PCDH9: variants seen among roughly 807,000 people sequenced by gnomAD.
The protein encoded by PCDH9 is protocadherin-9.
A neutral mutation model predicts 70.6 loss-of-function variants in PCDH9; 24 were observed. That is an observed-to-expected ratio of 0.34 (90% confidence interval 0.25 to 0.48). The LOEUF (loss-of-function observed/expected upper bound fraction) is 0.48. PCDH9 is among the 20% of genes least tolerant of loss of function. The pLI, the probability that PCDH9 is intolerant of heterozygous loss-of-function variation, is 0.99. For missense variants in PCDH9, 1,281 were observed against 1,503.6 expected (o/e 0.85, Z 2.45); for synonymous variants, 562 against 558.5 (o/e 1.01, Z -0.09).
rs116136297 is a variant in PCDH9, at chr13:66,905,394, A to G, written c.3037-1789T>C. Among the ~76,000 whole-genome samples the G allele has an allele frequency of 6.4e-3, 979 of 152,274 alleles. 10 individuals carry two copies. The highest frequency in any genetic ancestry group is 0.023 in the African/African-American group (938 of 41,562). ...CAGCAGTGAGTCTCACCCTGACTGTATATTAGAATCACCTGGGGAGATTTT... is the reference window on the plus strand; with the variant it reads ...CAGCAGTGAGTCTCACCCTGACTGTGTATTAGAATCACCTGGGGAGATTTT... On this transcript the variant is annotated intron_variant, in intron 2 of 4. Transcript: ENST00000377865.
intron 3 of PCDH9, among the ~76,000 whole-genome samples, chr13:66,767,048 TCTC>T (rs1350089131): frequency 2.0e-5 from 3 of 152,124 alleles, no homozygotes; most frequent in South Asian, 2.1e-4. Context: ...ATGTTTAAAA[TCTC>T]CTTACATTAA....
At chr13:67,064,055 T>G (rs190201418) in intron 2 of PCDH9, among the ~76,000 whole-genome samples, 18 of 152,262 alleles carry the variant, frequency 1.2e-4, no homozygotes, top group South Asian at 4.1e-4. Flanking sequence ...CTGGCCTCAT[T>G]GTTAACCTCA....
intron 4 of PCDH9, among the ~76,000 whole-genome samples, chr13:66,350,808 T>C (rs754261349): frequency 1.3e-5 from 2 of 152,184 alleles, no homozygotes; most frequent in Non-Finnish European, 2.9e-5. Flanking sequence ...ATTTTCTACA[T>C]CTATGTCTCA....
chr13:67,106,668 C>T (rs538975233), intron 2 of PCDH9, among the ~76,000 whole-genome samples: 66 of 152,336 alleles, frequency 4.3e-4, no homozygotes, highest in African/African-American at 1.5e-3. Context: ...GACCCGCCCT[C>T]CTGGGCACAG....
intron 2 of PCDH9, among the ~76,000 whole-genome samples, chr13:67,103,117 T>C (rs1436851683): frequency 6.6e-6 from 1 of 152,070 alleles, no homozygotes; most frequent in Non-Finnish European, 1.5e-5. Flanking sequence ...AAAATGTAGG[T>C]ACAAAACTTC....
At chr13:66,313,560 G>A (rs1356979566) in intron 4 of PCDH9, among the ~76,000 whole-genome samples, 2 of 152,150 alleles carry the variant, frequency 1.3e-5, no homozygotes, top group African/African-American at 2.4e-5. Context: ...TTGCAAAAGC[G>A]AGCCTGAATA....
At chr13:66,538,643 A>C (rs1472931858) in intron 4 of PCDH9, among the ~76,000 whole-genome samples, 1 of 151,984 alleles carries the variant, frequency 6.6e-6, no homozygotes, top group Non-Finnish European at 1.5e-5. Flanking sequence ...TTTTTTAATT[A>C]AAATCTTCAA....
intron 3 of PCDH9, among the ~76,000 whole-genome samples, chr13:66,648,816 G>A (rs778481441): frequency 6.6e-6 from 1 of 152,028 alleles, no homozygotes; most frequent in Non-Finnish European, 1.5e-5. Context: ...AGGAAAGTCA[G>A]TGAAATTCAA....
chr13:67,040,358 C>T (rs535270562), intron 2 of PCDH9, among the ~76,000 whole-genome samples: 1 of 152,160 alleles, frequency 6.6e-6, no homozygotes, highest in Middle Eastern at 3.4e-3. Flanking sequence ...CCTGCTAGTC[C>T]CAGCTACTCA....
chr13:66,574,678 C>T (rs1335800901), intron 4 of PCDH9, among the ~76,000 whole-genome samples: 1 of 152,182 alleles, frequency 6.6e-6, no homozygotes, highest in Non-Finnish European at 1.5e-5. Context: ...CTATTTACTA[C>T]TGAGCTGTTC....
intron 4 of PCDH9, among the ~76,000 whole-genome samples, chr13:66,616,192 C>A (rs1379991889): frequency 1.3e-5 from 2 of 152,206 alleles, no homozygotes; most frequent in Non-Finnish European, 2.9e-5. Flanking sequence ...AGGAGAGGAA[C>A]ATCCAACTCA....
chr13:67,057,684 A>T (rs1018414540), intron 2 of PCDH9, among the ~76,000 whole-genome samples: 1 of 152,120 alleles, frequency 6.6e-6, no homozygotes, highest in Non-Finnish European at 1.5e-5. Context: ...AATGACAATT[A>T]ATTGGCTGTG....
intron 2 of PCDH9, among the ~76,000 whole-genome samples, chr13:67,017,648 A>G (rs776424490): frequency 1.3e-5 from 2 of 152,226 alleles, no homozygotes; most frequent in Non-Finnish European, 2.9e-5. Flanking sequence ...TATTTTTAGA[A>G]CTTAATTATA....
At chr13:66,504,558 C>A (rs74095252) in intron 4 of PCDH9, among the ~76,000 whole-genome samples, 1 of 152,116 alleles carries the variant, frequency 6.6e-6, no homozygotes, top group Non-Finnish European at 1.5e-5. Flanking sequence ...TTTTCTTAAG[C>A]CTTTAAGGTT....
intron 2 of PCDH9, among the ~76,000 whole-genome samples, chr13:67,055,986 C>T (rs945759129): frequency 3.3e-5 from 5 of 151,694 alleles, no homozygotes; most frequent in African/African-American, 9.7e-5. Context: ...AACCCCATCT[C>T]GATGAAATTT....
At chr13:66,654,690 G>A (rs1259441696) in intron 3 of PCDH9, among the ~76,000 whole-genome samples, 1 of 151,932 alleles carries the variant, frequency 6.6e-6, no homozygotes, top group Non-Finnish European at 1.5e-5. Context: ...AGATATACTT[G>A]TTGTTTGTTG....
chr13:66,615,013 T>C (rs1211567032), intron 4 of PCDH9, among the ~76,000 whole-genome samples: 1 of 152,192 alleles, frequency 6.6e-6, no homozygotes, highest in African/African-American at 2.4e-5. Context: ...GTAAAAACAC[T>C]TTCAAATAAG....
intron 2 of PCDH9, among the ~76,000 whole-genome samples, chr13:67,065,112 T>C (rs2085621317): frequency 6.6e-6 from 1 of 152,236 alleles, no homozygotes; most frequent in East Asian, 1.9e-4. Context: ...CTCAGAGGAT[T>C]TGGTATCTTG....
chr13:66,776,447 C>T (rs149331129), intron 3 of PCDH9, among the ~76,000 whole-genome samples: 2,709 of 150,978 alleles, frequency 0.018, 73 homozygotes, highest in African/African-American at 0.063. Flanking sequence ...GATACAAAAT[C>T]AATGTACAAA....
Sources: allele counts gnomAD v4.1 joint callset (sites outside exome capture counted in the v4.1 genomes callset), GRCh38; gene constraint gnomAD v4.1.1; transcripts MANE v1.5; gene names NCBI Gene and HGNC (gene_info 2026-07-23, HGNC 2026-07-21).